CACNB4: variants seen among roughly 807,000 people sequenced by gnomAD.
CACNB4 encodes the protein calcium voltage-gated channel auxiliary subunit beta 4.
A neutral mutation model predicts 71.2 loss-of-function variants in CACNB4; 32 were observed. The observed-to-expected ratio is 0.45, with a 90% CI of 0.34 to 0.60. CACNB4 has a LOEUF of 0.60. CACNB4 is among the 20% of genes least tolerant of loss of function. The pLI is 0.01. For synonymous variants in CACNB4, 231 were observed against 236.9 expected (o/e 0.97, Z 0.23); for missense variants, 464 against 647.9 (o/e 0.72, Z 3.08).
At chr2:151,950,620 T>C (rs1475287542) in intron 2 of CACNB4, among the ~76,000 whole-genome samples, 2 of 152,214 alleles carry the variant, frequency 1.3e-5, no homozygotes, top group African/African-American at 2.4e-5. Context: ...AAATGGAATA[T>C]TATTCAGTCA....
Position 152,098,721 on chromosome 2 carries a change from G to T in CACNB4, c.63+228C>A. The T allele has an allele frequency of 1.9e-6, 3 of 1,551,140 alleles. No homozygotes were observed. The South Asian group carries it at 3.6e-5, about 19-fold the overall frequency. ...GGGGGAGGCTGCGGGCTCCGGAGCG[G>T]GAGCGCAGAGACCCGAAGGAGGGTG... On this transcript the variant is annotated intron_variant, in intron 1 of 13. Coordinates refer to ENST00000539935, the MANE Select transcript of CACNB4 (RefSeq NM_000726.5). The surrounding 1 kb of genome is among the most constrained non-coding windows in gnomAD (Gnocchi z 5.3).
intron 2 of CACNB4, among the ~76,000 whole-genome samples, chr2:151,912,984 T>C (rs1363034498): frequency 1.3e-5 from 2 of 152,238 alleles, no homozygotes; most frequent in African/African-American, 4.8e-5. Context: ...GAGACTAGAA[T>C]TGCAACCCCT....
At chr2:152,035,682 A>ATTT (rs1560150646) in intron 2 of CACNB4, among the ~76,000 whole-genome samples, 12 of 143,070 alleles carry the variant, frequency 8.4e-5, no homozygotes, top group African/African-American at 2.9e-4. Context: ...TGTATGTATT[A>ATTT]AGATGCACCT....
At position 152,072,526 on chromosome 2, in the gene CACNB4, G is replaced by T. The variant is rs142404273; in HGVS notation, c.147+25804C>A. ...AAGATAATATCGTAAGTCAAATTTA[G>T]TAACAGTTATAGTAATCTTTTAACA... On this transcript the variant is annotated intron_variant, in intron 2 of 13. Coordinates refer to ENST00000539935, the MANE Select transcript of CACNB4 (RefSeq NM_000726.5). 5.3e-5 allele frequency among the ~76,000 whole-genome samples: 8 copies of T among 152,270 alleles called. No individual in the cohort carries two copies. In the East Asian group the frequency reaches 1.5e-3, roughly 29 times the overall value.
At chr2:152,004,642 A>T (rs1418148589) in intron 2 of CACNB4, among the ~76,000 whole-genome samples, 1 of 152,104 alleles carries the variant, frequency 6.6e-6, no homozygotes, top group Non-Finnish European at 1.5e-5. Context: ...CTGATGCAGG[A>T]AGGAGTTGAC....
chr2:152,064,848 G>A (rs1390584278), intron 2 of CACNB4, among the ~76,000 whole-genome samples: 1 of 152,088 alleles, frequency 6.6e-6, no homozygotes, highest in African/African-American at 2.4e-5. Flanking sequence ...AAGAAATTCT[G>A]TCTAGATTGT....
intron 2 of CACNB4, among the ~76,000 whole-genome samples, chr2:152,010,271 C>G (rs983736405): frequency 1.3e-5 from 2 of 152,188 alleles, no homozygotes; most frequent in African/African-American, 4.8e-5. Context: ...TAAAGTTTTA[C>G]AGCTAGCATT....
intron 2 of CACNB4, among the ~76,000 whole-genome samples, chr2:151,936,728 C>T (rs1030571147): frequency 5.9e-5 from 9 of 152,220 alleles, no homozygotes; most frequent in Admixed American, 3.3e-4. Context: ...CCCAGTAATA[C>T]GTGGTTGGGA....
chr2:151,844,214 G>C (rs2099836965), intron 12 of CACNB4, among the ~76,000 whole-genome samples: 1 of 152,196 alleles, frequency 6.6e-6, no homozygotes, highest in Non-Finnish European at 1.5e-5. Flanking sequence ...GGAGAGATAA[G>C]TATTAAAATC....
At chr2:151,890,853 T>C (rs1162891800) in intron 2 of CACNB4, among the ~76,000 whole-genome samples, 1 of 152,174 alleles carries the variant, frequency 6.6e-6, no homozygotes, top group East Asian at 1.9e-4. Context: ...TTTCTTTGAG[T>C]TTCTGCTCTA....
chr2:151,845,694 C>G (rs1258181814), intron 12 of CACNB4, among the ~76,000 whole-genome samples: 2 of 152,222 alleles, frequency 1.3e-5, no homozygotes, highest in Non-Finnish European at 2.9e-5. Flanking sequence ...TCGGTGATAC[C>G]ATGCCCTTGG....
intron 2 of CACNB4, among the ~76,000 whole-genome samples, chr2:151,923,247 A>G (rs1259562205): frequency 6.6e-6 from 1 of 152,176 alleles, no homozygotes; most frequent in Non-Finnish European, 1.5e-5. Context: ...TCTATTCTGA[A>G]ACTGGGTCCA....
intron 2 of CACNB4, among the ~76,000 whole-genome samples, chr2:152,010,797 TC>T (rs1248768168): frequency 6.6e-6 from 1 of 151,992 alleles, no homozygotes; most frequent in East Asian, 1.9e-4. Context: ...GGCACTGGGG[TC>T]CTGCATCTGT....
chr2:151,885,515 T>A (rs1360173819), intron 2 of CACNB4, among the ~76,000 whole-genome samples: 1 of 152,180 alleles, frequency 6.6e-6, no homozygotes, highest in African/African-American at 2.4e-5. Context: ...TAAATCAACT[T>A]TTCATCCTCA....
At chr2:151,843,468 C>T (rs1034070902) in intron 12 of CACNB4, among the ~76,000 whole-genome samples, 1 of 152,204 alleles carries the variant, frequency 6.6e-6, no homozygotes, top group African/African-American at 2.4e-5. Flanking sequence ...GCATGCACCA[C>T]TGTGCCTGGC....
rs147904684 is a variant in CACNB4 at position 151,994,972 on chromosome 2, A to T, written c.147+103358T>A. On this transcript the variant is annotated intron_variant, in intron 2 of 13. Transcript: ENST00000539935. ...TTGCAATAATTTTTGTTCCCAAGTG[A>T]AAATAGAAATTAAATTTAAACTTGA... Among the ~76,000 whole-genome samples, 9 of 152,236 alleles carry T rather than the reference A, an allele frequency of 5.9e-5. No individual in the cohort carries two copies. In the East Asian group the frequency reaches 1.7e-3, roughly 29 times the overall value.
intron 7 of CACNB4, 66 bp from the exon 8 acceptor site, chr2:151,870,677 T>C (rs1578550890): frequency 7.6e-7 from 1 of 1,317,680 alleles, no homozygotes; most frequent in Non-Finnish European, 1.1e-6. Flanking sequence ...AGCCACAACA[T>C]TCATAATTTC....
chr2:152,070,428 C>T (rs1686616586), intron 2 of CACNB4, among the ~76,000 whole-genome samples: 1 of 152,108 alleles, frequency 6.6e-6, no homozygotes, highest in African/African-American at 2.4e-5. Flanking sequence ...ATCAAAGATA[C>T]TAGAACCCAA....
intron 2 of CACNB4, among the ~76,000 whole-genome samples, chr2:152,045,618 TAA>T (rs75234358): frequency 0.73 from 110,034 of 151,106 alleles, 40,290 homozygotes; most frequent in East Asian, 0.88. Context: ...TACCACATTT[TAA>T]AAAAAAAAAG....
Sources: allele counts gnomAD v4.1 joint callset (sites outside exome capture counted in the v4.1 genomes callset), GRCh38; gene constraint gnomAD v4.1.1; non-coding constraint Gnocchi (gnomAD v3.1); transcripts MANE v1.5; gene names NCBI Gene and HGNC (gene_info 2026-07-23, HGNC 2026-07-21).